TEX36: variants seen among roughly 807,000 people sequenced by gnomAD.
TEX36 encodes testis-expressed protein 36.
TEX36 carries 12 observed loss-of-function variants against 13.6 expected under a neutral mutation model. That is an observed-to-expected ratio of 0.88 (90% CI 0.56 to 1.43). TEX36 has a LOEUF of 1.43. TEX36 is among the 40% of genes most tolerant of loss of function. TEX36 has a pLI of 0.00. For missense variants in TEX36, 224 were observed against 228.3 expected, an observed-to-expected ratio of 0.98 and a Z score of 0.12; for synonymous variants, 93 against 83.0, an observed-to-expected ratio of 1.12 and a Z score of -0.65.
intron 1 of TEX36, among the ~76,000 whole-genome samples, chr10:125,680,918 C>G (rs1031802345): frequency 1.4e-4 from 21 of 152,150 alleles, no homozygotes; most frequent in African/African-American, 4.8e-4. Context: ...CTCGCTTTCC[C>G]CCTTACCACA....
intron 1 of TEX36, among the ~76,000 whole-genome samples, chr10:125,681,094 G>A (rs1311334761): frequency 1.3e-5 from 2 of 152,166 alleles, no homozygotes; most frequent in African/African-American, 4.8e-5. Flanking sequence ...GATAAAAAGG[G>A]GCAGACTTAG....
chr10:125,657,510 A>G (rs1316454360), intron 3 of TEX36, among the ~76,000 whole-genome samples: 1 of 152,188 alleles, frequency 6.6e-6, no homozygotes, highest in East Asian at 1.9e-4. Flanking sequence ...CAAGTAAAAG[A>G]AAGGCATGAT....
At chr10:125,628,917 T>C (rs748087522) in intron 3 of TEX36, among the ~76,000 whole-genome samples, 4 of 152,186 alleles carry the variant, frequency 2.6e-5, no homozygotes, top group African/African-American at 4.8e-5. Context: ...TGGAGTTTCA[T>C]GCTTTATATC....
intron 3 of TEX36, among the ~76,000 whole-genome samples, chr10:125,629,708 C>T (rs1227236186): frequency 1.3e-5 from 2 of 152,094 alleles, no homozygotes; most frequent in Non-Finnish European, 2.9e-5. Flanking sequence ...GGGATGAAGG[C>T]CTTCCCAGCT....
intron 3 of TEX36, among the ~76,000 whole-genome samples, chr10:125,616,192 T>A (rs1198256951): frequency 7.9e-5 from 12 of 152,210 alleles, no homozygotes; most frequent in Non-Finnish European, 1.5e-4. Flanking sequence ...TTTTTAGTCT[T>A]GCTAGTGGTC....
intron 3 of TEX36, among the ~76,000 whole-genome samples, chr10:125,582,388 G>T (rs1204088290): frequency 1.3e-5 from 2 of 152,218 alleles, no homozygotes; most frequent in East Asian, 3.8e-4. Flanking sequence ...TGAGGTGGCT[G>T]CCAGCTCCAC....
intron 3 of TEX36, among the ~76,000 whole-genome samples, chr10:125,596,033 C>G (rs1277665550): frequency 6.6e-6 from 1 of 152,160 alleles, no homozygotes; most frequent in Non-Finnish European, 1.5e-5. Flanking sequence ...AATCTGAATC[C>G]AGAAATTATT....
At chr10:125,608,983 AAAAAAAAAG>A (rs1846253170) in intron 3 of TEX36, among the ~76,000 whole-genome samples, 2 of 141,460 alleles carry the variant, frequency 1.4e-5, no homozygotes, top group East Asian at 4.0e-4. Context: ...AAAAAAAAAA[AAAAAAAAAG>A]AAAGAAAAGA....
In TEX36 at chr10:125,683,021, G is replaced by C; in HGVS notation, c.-32C>G. The C allele has an allele frequency of 6.4e-7, 1 of 1,551,494 alleles. No homozygotes were observed. Among genetic ancestry groups the C allele is most frequent in the South Asian group, 1.2e-5 (1 of 84,054 alleles). On this transcript the variant is annotated 5_prime_UTR_variant, in exon 1 of 4. Coordinates refer to ENST00000368821, the MANE Select transcript of TEX36 (RefSeq NM_001128202.3). ...CAGGAAGCTGAATGTGGCTGAGATT[G>C]GCTCCCTCACCTCTCCATAAGCTCT...
chr10:125,586,941 A>G (rs1845960888), intron 3 of TEX36, among the ~76,000 whole-genome samples: 1 of 152,112 alleles, frequency 6.6e-6, no homozygotes, highest in African/African-American at 2.4e-5. Context: ...GACTAGCACC[A>G]TCCCCCTAGT....
intron 3 of TEX36, among the ~76,000 whole-genome samples, chr10:125,594,281 A>T (rs1406155177): frequency 6.6e-6 from 1 of 152,250 alleles, no homozygotes; most frequent in Non-Finnish European, 1.5e-5. Flanking sequence ...AAAGGTTAAA[A>T]GTAAAAGCAT....
intron 3 of TEX36, among the ~76,000 whole-genome samples, chr10:125,603,439 C>T (rs1344439251): frequency 2.6e-5 from 4 of 152,040 alleles, no homozygotes; most frequent in South Asian, 2.1e-4. Context: ...GAGCCCATTT[C>T]CCCCACTGGT....
rs1038372127 is a variant in TEX36, at chr10:125,634,848, C to T, written c.265-13203G>A. On this transcript the variant is annotated intron_variant, in intron 3 of 3. Transcript: ENST00000526819. ...GTACTGTGACTAGCTAAAGGTGAAA[C>T]GATGGATAGTGAGCCCCTGTCCCCA... 3.3e-5 allele frequency among the ~76,000 whole-genome samples: 5 copies of T among 152,036 alleles called. No individual in the cohort carries two copies. The South Asian group carries it at 6.2e-4, about 19-fold the overall frequency.
intron 3 of TEX36, among the ~76,000 whole-genome samples, chr10:125,623,842 G>GCAGT (rs1724665079): frequency 6.6e-6 from 1 of 152,250 alleles, no homozygotes; most frequent in Non-Finnish European, 1.5e-5. Flanking sequence ...GGCTGTCTAT[G>GCAGT]CAGTTTGAAT....
intron 3 of TEX36, among the ~76,000 whole-genome samples, chr10:125,602,877 C>A (rs776537477): frequency 6.6e-6 from 1 of 152,314 alleles, no homozygotes; most frequent in East Asian, 1.9e-4. Flanking sequence ...CAAACGCATG[C>A]GGTACAAATG....
intron 3 of TEX36, among the ~76,000 whole-genome samples, chr10:125,584,738 G>T (rs140593495): frequency 5.0e-4 from 76 of 152,348 alleles, no homozygotes; most frequent in African/African-American, 1.8e-3. Flanking sequence ...GCAGCAAGAA[G>T]ATAGCTGTCT....
At chr10:125,645,409 A>G (rs544273451) in intron 3 of TEX36, among the ~76,000 whole-genome samples, 1 of 152,142 alleles carries the variant, frequency 6.6e-6, no homozygotes, top group East Asian at 1.9e-4. Flanking sequence ...ATAATAAGAG[A>G]AAGAAAGACC....
At chr10:125,659,513 G>A (rs1846998055) in intron 3 of TEX36, among the ~76,000 whole-genome samples, 1 of 152,158 alleles carries the variant, frequency 6.6e-6, no homozygotes, top group Admixed American at 6.5e-5. Flanking sequence ...AAGGACATAT[G>A]TTGCTTTGGT....
At chr10:125,656,249 C>CTTTTTTTTTTTTTTTTTTTTTTTTT (rs66461124) in intron 3 of TEX36, 53 bp from the exon 4 acceptor site, 1 of 239,408 alleles carries the variant, frequency 4.2e-6, no homozygotes, top group African/African-American at 4.0e-5. Flanking sequence ...TCACATAGTT[C>CTTTTTTTTTTTTTTTTTTTTTTTTT]TTTTTTTTTT....
Sources: allele counts gnomAD v4.1 joint callset (sites outside exome capture counted in the v4.1 genomes callset), GRCh38; gene constraint gnomAD v4.1.1; transcripts MANE v1.5; gene names NCBI Gene and HGNC (gene_info 2026-07-23, HGNC 2026-07-21).